Variants in NRXN1 observed in about 807,000 individuals in gnomAD.
NRXN1 encodes the protein neurexin 1.
Under a neutral mutation model 150.9 loss-of-function variants are expected in NRXN1, and 39 were observed. The ratio of observed to expected loss-of-function variants is 0.26; its 90% CI spans 0.20 to 0.34. NRXN1 has a LOEUF of 0.34. NRXN1 is among the 10% of genes least tolerant of loss of function. The pLI is 1.00. For missense variants in NRXN1, 1,815 were observed against 1,949.9 expected (o/e 0.93, Z 1.30); for synonymous variants, 924 against 757.0 (o/e 1.22, Z -3.62).
chr2:50,016,887 C>A (rs561294313), intron 21 of NRXN1, among the ~76,000 whole-genome samples: 63 of 152,278 alleles, frequency 4.1e-4, no homozygotes, highest in African/African-American at 1.4e-3. Context: ...AGAAGCCTGG[C>A]ACTTCCTTCC....
rs1231152909 is a variant in NRXN1, at chr2:50,918,536, G to C, written c.832+3333C>G. The C allele has an allele frequency of 5.1e-5, 19 of 370,038 alleles. No individual in the cohort carries two copies. The Admixed American group carries it at 8.8e-4, about 17-fold the overall frequency. 22.9% of individuals were successfully genotyped at this position (370,038 alleles called of 1,614,324 possible). A position where few individuals can be genotyped will look rare whatever the true frequency, so the allele number is the denominator to read the frequency against. ...AACATTCGCTGATAATTATTAACTTGTGCTCCTGAGCTATTAACCAGCTAT... is the reference window on the plus strand; with the variant it reads ...AACATTCGCTGATAATTATTAACTTCTGCTCCTGAGCTATTAACCAGCTAT... On this transcript the variant is annotated intron_variant, in intron 5 of 22. Coordinates refer to ENST00000401669, the MANE Select transcript of NRXN1 (RefSeq NM_001330078.2).
intron 13 of NRXN1, among the ~76,000 whole-genome samples, chr2:50,502,183 TAGAAGA>T (rs751956946): frequency 7.1e-6 from 1 of 140,332 alleles, no homozygotes; most frequent in African/African-American, 2.7e-5. Context: ...TCTGACAAAA[TAGAAGA>T]AGAAGGAAGG....
At chr2:50,763,711 C>T (rs1702074349) in intron 5 of NRXN1, among the ~76,000 whole-genome samples, 3 of 151,900 alleles carry the variant, frequency 2.0e-5, no homozygotes, top group South Asian at 4.2e-4. Context: ...CTTGTAACTG[C>T]CATTGAAGGT....
intron 22 of NRXN1, among the ~76,000 whole-genome samples, chr2:49,923,544 C>T (rs1329371309): frequency 1.3e-5 from 2 of 152,078 alleles, no homozygotes; most frequent in Non-Finnish European, 2.9e-5. Context: ...ACTGAAAACT[C>T]AAGAAGACTA....
rs570444686 is a variant in NRXN1 at position 50,322,045 on chromosome 2, A to C, written c.3365-85075T>G. Among the ~76,000 whole-genome samples the C allele has an allele frequency of 4.2e-3, 640 of 152,038 alleles. 2 individuals are homozygous for C. The highest frequency in any genetic ancestry group is 0.015 in the African/African-American group (620 of 41,500). On this transcript the variant is annotated intron_variant, in intron 17 of 22. Coordinates refer to ENST00000401669, the MANE Select transcript of NRXN1 (RefSeq NM_001330078.2). ...AAAAATTACAACATCAAAAAAAAAAAAAAAAAACAGTCTGTCATGTGCACT... is the reference window on the plus strand; with the variant it reads ...AAAAATTACAACATCAAAAAAAAAACAAAAAAACAGTCTGTCATGTGCACT...
At chr2:50,269,139 A>G (rs1218803991) in intron 17 of NRXN1, among the ~76,000 whole-genome samples, 2 of 152,208 alleles carry the variant, frequency 1.3e-5, no homozygotes, top group African/African-American at 4.8e-5. Context: ...CTAAGATCAC[A>G]ACTAATATTG....
At chr2:49,962,719 C>T (rs1427615485) in intron 21 of NRXN1, among the ~76,000 whole-genome samples, 1 of 152,064 alleles carries the variant, frequency 6.6e-6, no homozygotes, top group Non-Finnish European at 1.5e-5. Flanking sequence ...TGCATAGAGG[C>T]CGGACACGGT....
At chr2:50,063,728 A>G (rs144996436) in intron 19 of NRXN1, among the ~76,000 whole-genome samples, 22 of 152,318 alleles carry the variant, frequency 1.4e-4, no homozygotes, top group Admixed American at 3.9e-4. Flanking sequence ...AATACTTAGT[A>G]GCAATATCTA....
chr2:50,721,887 G>A (rs763329497), intron 5 of NRXN1, among the ~76,000 whole-genome samples: 13 of 152,082 alleles, frequency 8.5e-5, no homozygotes, highest in Non-Finnish European at 1.6e-4. Flanking sequence ...AAACTAGTGA[G>A]TAGCAGAGCT....
intron 5 of NRXN1, among the ~76,000 whole-genome samples, chr2:50,855,457 C>T (rs759038903): frequency 6.6e-6 from 1 of 151,910 alleles, no homozygotes; most frequent in Non-Finnish European, 1.5e-5. Context: ...TTCAATTCTG[C>T]AAAACTTATG....
At chr2:50,121,319 C>T (rs758770654) in intron 18 of NRXN1, among the ~76,000 whole-genome samples, 3 of 152,196 alleles carry the variant, frequency 2.0e-5, no homozygotes, top group African/African-American at 4.8e-5. Flanking sequence ...CTGCCCACTG[C>T]GCCCAGCCTT....
chr2:50,392,250 T>C (rs144362766), intron 17 of NRXN1, among the ~76,000 whole-genome samples: 18 of 152,214 alleles, frequency 1.2e-4, no homozygotes, highest in African/African-American at 3.9e-4. Flanking sequence ...CCTTCTCAGG[T>C]AGGCTTTTTA....
intron 1 of NRXN1, among the ~76,000 whole-genome samples, chr2:51,030,879 CT>C (rs61452371): frequency 0.033 from 4,851 of 146,946 alleles, 174 homozygotes; most frequent in African/African-American, 0.094. Context: ...GTTAGAAAAC[CT>C]TTTTTTTTTT....
At chr2:50,840,946 T>G (rs1672779778) in intron 5 of NRXN1, 1 of 152,394 alleles carries the variant, frequency 6.6e-6, no homozygotes, top group Non-Finnish European at 1.5e-5. Flanking sequence ...CATTTCAGTT[T>G]CAGAAAGAAG....
chr2:50,595,726 T>C (rs962344724), intron 8 of NRXN1, among the ~76,000 whole-genome samples: 4 of 152,188 alleles, frequency 2.6e-5, no homozygotes, highest in Admixed American at 2.6e-4. Flanking sequence ...AGGGAGAATT[T>C]GAAGGCATAA....
At chr2:50,123,744 G>T (rs1178306368) in intron 18 of NRXN1, among the ~76,000 whole-genome samples, 2 of 152,128 alleles carry the variant, frequency 1.3e-5, no homozygotes, top group South Asian at 4.1e-4. Flanking sequence ...GATTGGATGT[G>T]AGATGCAGGA....
intron 18 of NRXN1, among the ~76,000 whole-genome samples, chr2:50,094,375 G>C (rs1699949095): frequency 6.6e-6 from 1 of 152,208 alleles, no homozygotes; most frequent in Non-Finnish European, 1.5e-5. Flanking sequence ...TTTGGAGACA[G>C]TTGAGATGTG....
chr2:50,739,642 C>T (rs1390107239), intron 5 of NRXN1, among the ~76,000 whole-genome samples: 1 of 152,118 alleles, frequency 6.6e-6, no homozygotes, highest in East Asian at 1.9e-4. Context: ...TCCATAATGG[C>T]ACAGTTTAAA....
At chr2:50,060,669 T>C (rs113715839) in intron 19 of NRXN1, among the ~76,000 whole-genome samples, 3,145 of 152,230 alleles carry the variant, frequency 0.021, 88 homozygotes, top group African/African-American at 0.071. Flanking sequence ...AATTGAATCA[T>C]GGGGACAGGT....
Sources: allele counts gnomAD v4.1 joint callset (sites outside exome capture counted in the v4.1 genomes callset), GRCh38; gene constraint gnomAD v4.1.1; transcripts MANE v1.5; gene names NCBI Gene and HGNC (gene_info 2026-07-23, HGNC 2026-07-21).